The following BOK variants were observed in gnomAD, a reference collection of about 807,000 sequenced individuals.
BOK encodes the protein bcl-2-related ovarian killer protein.
In BOK, 20 loss-of-function variants were observed where a neutral mutation model predicts 18.3. The observed-to-expected ratio is 1.09, with a 90% confidence interval of 0.77 to 1.59. The LOEUF is 1.59. BOK is among the 40% of genes most tolerant of loss of function. BOK has a pLI of 0.00. For missense variants in BOK, 348 were observed against 307.9 expected (o/e 1.13, Z -0.97); for synonymous variants, 173 against 142.4 (o/e 1.21, Z -1.53).
Position 241,559,610 on chromosome 2 carries a change from C to T in BOK, c.127C>T (p.Leu43=), listed in dbSNP as rs1005792994. The T allele has an allele frequency of 1.4e-6, 2 of 1,479,050 alleles. No homozygotes were observed. The highest frequency in any genetic ancestry group is 1.3e-5 in the South Asian group (1 of 77,674). 91.6% of individuals were successfully genotyped at this position (1,479,050 alleles called of 1,614,324 possible). A position where few individuals can be genotyped will look rare whatever the true frequency, so the allele number is the denominator to read the frequency against. ...GGGCCGGGAGTACGTGCACGCGCGGCTGCTGCGCGCCGGCCTCTCCTGGAG... is the reference window on the plus strand; with the variant it reads ...GGGCCGGGAGTACGTGCACGCGCGGTTGCTGCGCGCCGGCCTCTCCTGGAG... ...ALGREYVHAR[L]LRAGLSWSAP... Residue 43 remains leucine, a synonymous_variant, in exon 2 of 5, where the codon CTG becomes TTG. Coordinates refer to ENST00000318407, the MANE Select transcript of BOK (RefSeq NM_032515.5).
intron 4 of BOK, among the ~76,000 whole-genome samples, chr2:241,571,333 G>C (rs149453544): frequency 5.3e-5 from 8 of 152,146 alleles, no homozygotes; most frequent in African/African-American, 1.9e-4. Context: ...CTGGGCCCTG[G>C]GTGTGGAGGG....
chr2:241,568,063 CA>C (rs61303796), intron 3 of BOK, among the ~76,000 whole-genome samples: 44,123 of 151,976 alleles, frequency 0.29, 6,764 homozygotes, highest in East Asian at 0.47. Context: ...AGCTTCCACC[CA>C]AGCATGTGTT....
rs1420077946 is a variant in BOK, at chr2:241,562,292, G to A, written c.221-56G>A. The A allele has an allele frequency of 7.8e-6, 12 of 1,540,886 alleles. No homozygotes were observed. Among genetic ancestry groups the A allele is most frequent in the Admixed American group, 1.9e-5 (1 of 53,534 alleles). On this transcript the variant is annotated intron_variant, in intron 2 of 4. Coordinates refer to ENST00000318407, the MANE Select transcript of BOK (RefSeq NM_032515.5). The surrounding 1 kb of genome is among the most constrained non-coding windows in gnomAD (Gnocchi z 4.5). ...GTGCAGGGTGTGCCCCAAGCCAGTCGTGTCCCAGGAAGCTGGGACGTGGGC... is the reference window on the plus strand; with the variant it reads ...GTGCAGGGTGTGCCCCAAGCCAGTCATGTCCCAGGAAGCTGGGACGTGGGC...
upstream of BOK, among the ~76,000 whole-genome samples, chr2:241,554,153 C>T (rs1450729098): frequency 1.3e-5 from 2 of 152,166 alleles, no homozygotes; most frequent in African/African-American, 4.8e-5. Context: ...AGCAGCCTTC[C>T]AGGAGGACAA....
chr2:241,558,600 G>C (rs965359870), upstream of BOK: 1 of 152,294 alleles, frequency 6.6e-6, no homozygotes, highest in African/African-American at 2.4e-5. Flanking sequence ...TCTGCCTTGC[G>C]GGGGCCGCTC....
chr2:241,572,048 C>G (rs1413975945), intron 4 of BOK, among the ~76,000 whole-genome samples: 1 of 152,186 alleles, frequency 6.6e-6, no homozygotes, highest in Non-Finnish European at 1.5e-5. Context: ...GGCCGGCCTG[C>G]CTGGCTGCCA....
At chr2:241,561,159 T>A (rs547479184) in intron 2 of BOK, among the ~76,000 whole-genome samples, 1 of 152,200 alleles carries the variant, frequency 6.6e-6, no homozygotes, top group Non-Finnish European at 1.5e-5. Context: ...TCAGCTGGGA[T>A]GGTCCGGTCA....
chr2:241,570,107 C>T lies in BOK; in HGVS notation c.350-18C>T, dbSNP rs1469296349. ...GGCGGGATTCAAGTCCTGATCTTGA[C>T]CATCTCTCTCCCTGCAGGCATCACG... On this transcript the variant is annotated intron_variant, in intron 3 of 4. Coordinates refer to ENST00000318407, the MANE Select transcript of BOK (RefSeq NM_032515.5). 1 of 1,606,890 alleles carries T rather than the reference C, an allele frequency of 6.2e-7. No homozygotes were observed. The highest frequency in any genetic ancestry group is 2.2e-5 in the East Asian group (1 of 44,714).
At position 241,559,715 on chromosome 2, in the gene BOK, C is replaced by G; in HGVS notation, c.220+12C>G. ...GCTGCTGCGCCTGGGTGAGTGCGCCCTGGTGGGATCCCCAGCTGCGCCTCC... is the reference window on the plus strand; with the variant it reads ...GCTGCTGCGCCTGGGTGAGTGCGCCGTGGTGGGATCCCCAGCTGCGCCTCC... On this transcript the variant is annotated intron_variant, in intron 2 of 4. Coordinates refer to ENST00000318407, the MANE Select transcript of BOK (RefSeq NM_032515.5). The G allele has an allele frequency of 4.6e-6, 6 of 1,296,826 alleles. No individual in the cohort carries two copies. The highest frequency in any genetic ancestry group is 5.9e-6 in the Non-Finnish European group (6 of 1,025,522). The allele number at this position is 1,296,826 out of a possible 1,614,324, so 80.3% of individuals were successfully genotyped here.
At chr2:241,554,817 C>A (rs1161512705), upstream of BOK, among the ~76,000 whole-genome samples, 1 of 152,228 alleles carries the variant, frequency 6.6e-6, no homozygotes, top group Non-Finnish European at 1.5e-5. Context: ...TCTGGTCACA[C>A]AAATCAACAA....
chr2:241,557,907 G>A (rs746162280), upstream of BOK, among the ~76,000 whole-genome samples: 41 of 152,116 alleles, frequency 2.7e-4, no homozygotes, highest in Non-Finnish European at 5.6e-4. Flanking sequence ...GGTCTATTTC[G>A]ATAAACATCC....
intron 1 of BOK, 54 bp from the exon 2 acceptor site, chr2:241,559,401 C>G: frequency 8.6e-7 from 1 of 1,166,768 alleles, no homozygotes; most frequent in Non-Finnish European, 1.1e-6. Context: ...GCGCCCCGCG[C>G]GCCCCGTTCC....
chr2:241,553,840 C>T (rs1170541206), upstream of BOK, among the ~76,000 whole-genome samples: 4 of 152,162 alleles, frequency 2.6e-5, no homozygotes, highest in Admixed American at 2.6e-4. Context: ...GGTAGAGTGG[C>T]CTCTACCCCA....
upstream of BOK, among the ~76,000 whole-genome samples, chr2:241,554,442 A>G (rs2066436525): frequency 6.6e-6 from 1 of 152,172 alleles, no homozygotes; most frequent in African/African-American, 2.4e-5. Flanking sequence ...CTCTTATGGA[A>G]ATCCAGCATC....
intron 2 of BOK, among the ~76,000 whole-genome samples, chr2:241,561,896 C>G (rs2066530260): frequency 1.3e-5 from 2 of 152,136 alleles, no homozygotes; most frequent in Admixed American, 6.5e-5. Flanking sequence ...TGCCCAGCCC[C>G]TCCCCACGTC....
At chr2:241,561,420 G>A (rs1000947670) in intron 2 of BOK, among the ~76,000 whole-genome samples, 17 of 151,770 alleles carry the variant, frequency 1.1e-4, no homozygotes, top group African/African-American at 3.9e-4. Context: ...TGGCAGTGAG[G>A]GTGGCCCAGG....
At chr2:241,572,233 T>G in intron 4 of BOK, 64 bp from the exon 5 acceptor site, 3 of 1,587,976 alleles carry the variant, frequency 1.9e-6, no homozygotes, top group Non-Finnish European at 2.6e-6. Context: ...CTGGGGGGCC[T>G]GGCGGTGCTG....
intron 3 of BOK, among the ~76,000 whole-genome samples, chr2:241,563,288 C>T (rs2066559908): frequency 6.6e-6 from 1 of 152,182 alleles, no homozygotes; most frequent in Non-Finnish European, 1.5e-5. Flanking sequence ...TGGCTTCTGT[C>T]CGCTTGCCCC....
At chr2:241,552,763 G>A (rs1188987432) in intron 1 of BOK, among the ~76,000 whole-genome samples, 3 of 152,218 alleles carry the variant, frequency 2.0e-5, no homozygotes, top group Non-Finnish European at 4.4e-5. Flanking sequence ...AAGGACAAGC[G>A]GTTCGGTCAC....
Sources: gnomAD v4.1 joint callset for allele counts (sites outside exome capture counted in the v4.1 genomes callset) on GRCh38, gnomAD v4.1.1 for gene constraint, Gnocchi (gnomAD v3.1) non-coding constraint, MANE v1.5 for transcripts, NCBI Gene and HGNC (gene_info 2026-07-23, HGNC 2026-07-21) for gene names.